Variants in RNF38 observed in about 807,000 individuals in gnomAD.
The protein encoded by RNF38 is E3 ubiquitin-protein ligase RNF38.
Under a neutral mutation model 67.2 loss-of-function variants are expected in RNF38, and 15 were observed. That is an observed-to-expected ratio of 0.22 (90% CI 0.15 to 0.34). The LOEUF (loss-of-function observed/expected upper bound fraction) is 0.34. Ranked by LOEUF, RNF38 falls within the 10% of genes least tolerant of loss-of-function variation. The pLI is 1.00. For missense variants in RNF38, 524 were observed against 639.9 expected (o/e 0.82, Z 1.95); for synonymous variants, 220 against 218.8 (o/e 1.01, Z -0.05).
At chr9:36,400,369 C>T, upstream of RNF38, 1 of 1,194,188 alleles carries the variant, frequency 8.4e-7, no homozygotes, top group South Asian at 3.1e-5. Flanking sequence ...GCGAGGCCAT[C>T]TGCCGGGCAG....
chr9:36,390,112 T>G (rs1214108576), intron 2 of RNF38, among the ~76,000 whole-genome samples: 1 of 152,236 alleles, frequency 6.6e-6, no homozygotes, highest in Non-Finnish European at 1.5e-5. Flanking sequence ...AAGTAACTAG[T>G]GAACATCTTA....
At chr9:36,418,071 A>G (rs1838521122) in intron 2 of RNF38, among the ~76,000 whole-genome samples, 2 of 148,284 alleles carry the variant, frequency 1.3e-5, no homozygotes, top group Admixed American at 1.4e-4. Context: ...TTTTGGAGAC[A>G]GGGTCTCACT....
rs1834120254 is a variant in RNF38, at chr9:36,356,578, C to A, written c.739-105G>T. 6 of 929,860 alleles carry A rather than the reference C, an allele frequency of 6.5e-6. No individual in the cohort carries two copies. In the South Asian group the frequency reaches 1.2e-4, roughly 19 times the overall value. The allele number at this position is 929,860 out of a possible 1,614,324, so 57.6% of individuals were successfully genotyped here. A position where few individuals can be genotyped will look rare whatever the true frequency, so the allele number is the denominator to read the frequency against. On this transcript the variant is annotated intron_variant, in intron 5 of 11. Transcript: ENST00000259605. ...GTCATTGTCACACCTCTCCCAAAAT[C>A]ATGAAAATGTTTTTAATAGCTTATA...
intron 1 of RNF38, among the ~76,000 whole-genome samples, chr9:36,448,501 T>C (rs1839358931): frequency 6.6e-6 from 1 of 152,148 alleles, no homozygotes; most frequent in South Asian, 2.1e-4. Context: ...GTAGTGGTGG[T>C]ATAGTACAAA....
chr9:36,357,707 T>C, intron 5 of RNF38, 68 bp downstream of exon 5: 1 of 1,362,906 alleles, frequency 7.3e-7, no homozygotes, highest in South Asian at 1.2e-5. Flanking sequence ...AGTCGGGAAG[T>C]TACAAAACCA....
chr9:36,446,099 G>A (rs1208515319), intron 1 of RNF38, among the ~76,000 whole-genome samples: 1 of 152,158 alleles, frequency 6.6e-6, no homozygotes, highest in East Asian at 1.9e-4. Context: ...AGGCTGTTCT[G>A]TGTGGTCCAT....
intron 1 of RNF38, among the ~76,000 whole-genome samples, chr9:36,458,714 G>A (rs1473730257): frequency 2.0e-5 from 3 of 152,198 alleles, no homozygotes; most frequent in African/African-American, 7.2e-5. Context: ...TTTAAGAGTT[G>A]TAACACTCAC....
intron 9 of RNF38, among the ~76,000 whole-genome samples, chr9:36,349,569 A>C (rs556282309): frequency 6.6e-6 from 1 of 152,112 alleles, no homozygotes; most frequent in East Asian, 1.9e-4. Flanking sequence ...CCCAACCTGT[A>C]GTCTGCCTTT....
intron 1 of RNF38, among the ~76,000 whole-genome samples, chr9:36,448,208 C>T (rs1025336918): frequency 5.9e-5 from 9 of 152,194 alleles, no homozygotes; most frequent in African/African-American, 1.9e-4. Flanking sequence ...TCCCTGCAGC[C>T]ACTATGTTTG....
chr9:36,372,488 G>T (rs1437710348), intron 3 of RNF38: 9 of 695,524 alleles, frequency 1.3e-5, no homozygotes, highest in Non-Finnish European at 2.4e-5. Context: ...ACCTAGCTTT[G>T]TGCTCACCTC....
chr9:36,446,474 T>C (rs1378222553), intron 1 of RNF38, among the ~76,000 whole-genome samples: 2 of 152,190 alleles, frequency 1.3e-5, no homozygotes, highest in South Asian at 2.1e-4. Flanking sequence ...TTTCTTTTAT[T>C]AAAGTACAAA....
At chr9:36,358,738 G>A (rs527817153) in intron 4 of RNF38, among the ~76,000 whole-genome samples, 2 of 152,148 alleles carry the variant, frequency 1.3e-5, no homozygotes, top group East Asian at 1.9e-4. Flanking sequence ...GGCCAGGCAC[G>A]GTGGCTCATG....
At chr9:36,420,820 G>C (rs1428898076) in intron 2 of RNF38, among the ~76,000 whole-genome samples, 1 of 152,034 alleles carries the variant, frequency 6.6e-6, no homozygotes, top group Non-Finnish European at 1.5e-5. Context: ...TAATGCTGGA[G>C]GGCTTGTGCA....
chr9:36,425,248 A>G (rs1838738385), intron 1 of RNF38, among the ~76,000 whole-genome samples: 1 of 152,210 alleles, frequency 6.6e-6, no homozygotes, highest in Non-Finnish European at 1.5e-5. Flanking sequence ...TAAAAACACA[A>G]ACTATTCAAC....
At chr9:36,346,444 G>A (rs192448282) in intron 9 of RNF38, among the ~76,000 whole-genome samples, 1 of 152,250 alleles carries the variant, frequency 6.6e-6, no homozygotes, top group Admixed American at 6.5e-5. Context: ...ACCTGCCTTG[G>A]CCTCCCAAAG....
chr9:36,403,713 G>GCCATTCTAATACATT (rs1838113850), upstream of RNF38, among the ~76,000 whole-genome samples: 1 of 152,118 alleles, frequency 6.6e-6, no homozygotes, highest in Non-Finnish European at 1.5e-5. Flanking sequence ...TGTTTACTCT[G>GCCATTCTAATACATT]GTGTTCTGCC....
At chr9:36,374,037 C>T (rs1835594002) in intron 3 of RNF38, among the ~76,000 whole-genome samples, 1 of 152,170 alleles carries the variant, frequency 6.6e-6, no homozygotes, top group Non-Finnish European at 1.5e-5. Context: ...AATAGGAAGA[C>T]TACAGCAGGT....
chr9:36,354,721 T>C (rs552141595), intron 6 of RNF38, among the ~76,000 whole-genome samples: 2 of 152,352 alleles, frequency 1.3e-5, no homozygotes, highest in South Asian at 2.1e-4. Context: ...ATAGTGCTAT[T>C]ACTACATTTG....
In RNF38 at chr9:36,483,411, G is replaced by A. The variant is rs544735736; in HGVS notation, n.241+3897C>T. On this transcript the variant is annotated intron_variant and non_coding_transcript_variant, in intron 1 of 3. Coordinates refer to the RNF38 transcript ENST00000488058. ...CAAAAAAAAAGAAAAGCGTACCTGG[G>A]CAATGCTGCACCTCCAAAGTGGGTT... Among the ~76,000 whole-genome samples, 158 of 148,260 alleles carry A rather than the reference G, an allele frequency of 1.1e-3. 1 individual carries two copies. Among genetic ancestry groups the A allele is most frequent in the Middle Eastern group, 3.4e-3 (1 of 292 alleles).
Sources: allele counts gnomAD v4.1 joint callset (sites outside exome capture counted in the v4.1 genomes callset), GRCh38; gene constraint gnomAD v4.1.1; transcripts MANE v1.5; gene names NCBI Gene and HGNC (gene_info 2026-07-23, HGNC 2026-07-21).